The following CMKLR2 variants were observed in gnomAD, a reference collection of about 807,000 sequenced individuals.
CMKLR2 encodes chemerin-like receptor 2.
A neutral mutation model predicts 23.0 loss-of-function variants in CMKLR2; 18 were observed. The observed-to-expected ratio is 0.78, with a 90% CI of 0.54 to 1.16. The LOEUF (loss-of-function observed/expected upper bound fraction) is 1.16. Among genes scored for constraint, CMKLR2 ranks in the 50% most tolerant of loss-of-function variants. The pLI is 0.00. For missense variants in CMKLR2, 401 were observed against 412.7 expected, an observed-to-expected ratio of 0.97 and a Z score of 0.25; for synonymous variants, 158 against 158.9, an observed-to-expected ratio of 0.99 and a Z score of 0.05.
upstream of CMKLR2, chr2:206,213,731 A>C (rs1313582559): frequency 6.6e-6 from 1 of 152,216 alleles, no homozygotes; most frequent in Non-Finnish European, 1.5e-5. Context: ...GCAGAGATGG[A>C]ATGTTCTTCG....
chr2:206,207,336 C>T (rs557427280), intron 1 of CMKLR2, among the ~76,000 whole-genome samples: 4 of 152,018 alleles, frequency 2.6e-5, no homozygotes, highest in South Asian at 4.2e-4. Context: ...GACAGGGTTT[C>T]GCCATGTTGG....
chr2:206,197,042 T>C (rs1488763430), intron 1 of CMKLR2, among the ~76,000 whole-genome samples: 2 of 152,182 alleles, frequency 1.3e-5, no homozygotes, highest in Non-Finnish European at 2.9e-5. Context: ...TCCGAGTAGC[T>C]GGGACTACAG....
In CMKLR2 at chr2:206,196,391, A is replaced by AAAATAAATAAATAAATAAAT. The variant is rs145895468; in HGVS notation, c.-29+16896_-29+16915dup. Reference sequence around the variant, plus strand: ...TGTCTCAAAAAAATAAATAAAAATAAAAATAAATAAATAAATAAATAGTGT... The same window carrying AAAATAAATAAATAAATAAAT: ...TGTCTCAAAAAAATAAATAAAAATAAAAATAAATAAATAAATAAATAAATAAATAAATAAATAAATAGTGT... On this transcript the variant is annotated intron_variant, in intron 1 of 1. Coordinates refer to ENST00000621141, the MANE Select transcript of CMKLR2 (RefSeq NM_001389445.1). Among the ~76,000 whole-genome samples, 1,238 of 151,268 alleles carry AAAATAAATAAATAAATAAAT rather than the reference A, an allele frequency of 8.2e-3. 13 individuals are homozygous for AAAATAAATAAATAAATAAAT. The highest frequency in any genetic ancestry group is 0.028 in the African/African-American group (1,139 of 41,252).
chr2:206,185,068 A>G (rs1688537649), intron 1 of CMKLR2, among the ~76,000 whole-genome samples: 2 of 151,972 alleles, frequency 1.3e-5, no homozygotes, highest in African/African-American at 4.8e-5. Flanking sequence ...ACTCACTGCA[A>G]CCTTCACATC....
chr2:206,200,188 C>T (rs1349943518), intron 1 of CMKLR2, among the ~76,000 whole-genome samples: 1 of 151,934 alleles, frequency 6.6e-6, no homozygotes, highest in Non-Finnish European at 1.5e-5. Flanking sequence ...CTTTGGGAGG[C>T]TGAGGCGGGC....
intron 1 of CMKLR2, among the ~76,000 whole-genome samples, chr2:206,198,058 G>T (rs16838046): frequency 0.043 from 6,552 of 152,266 alleles, 202 homozygotes; most frequent in East Asian, 0.11. Flanking sequence ...ATGATGGAGG[G>T]TTGACGTTAG....
chr2:206,205,191 C>T lies in CMKLR2; in HGVS notation c.-29+8116G>A, dbSNP rs548177078. On this transcript the variant is annotated intron_variant, in intron 1 of 1. Coordinates refer to ENST00000621141, the MANE Select transcript of CMKLR2 (RefSeq NM_001389445.1). ...AGTGATTCTGAGCAGATTCCACTTA[C>T]CATACCTAGAAAACAGGTCTCTATT... Among the ~76,000 whole-genome samples the T allele has an allele frequency of 2.6e-5, 4 of 152,290 alleles. No homozygotes were observed. The East Asian group carries it at 7.7e-4, about 29-fold the overall frequency.
chr2:206,212,286 T>C (rs1275862113), intron 1 of CMKLR2, among the ~76,000 whole-genome samples: 1 of 151,920 alleles, frequency 6.6e-6, no homozygotes, highest in Non-Finnish European at 1.5e-5. Flanking sequence ...AAATAGGCCA[T>C]GAAAAACATA....
At chr2:206,198,768 T>TA (rs1395841132) in intron 1 of CMKLR2, among the ~76,000 whole-genome samples, 2 of 152,216 alleles carry the variant, frequency 1.3e-5, no homozygotes, top group African/African-American at 4.8e-5. Context: ...GGCAAAGTCT[T>TA]ACTGCTTTCT....
At chr2:206,191,555 T>C (rs1688746818) in intron 1 of CMKLR2, among the ~76,000 whole-genome samples, 1 of 152,170 alleles carries the variant, frequency 6.6e-6, no homozygotes, top group Non-Finnish European at 1.5e-5. Flanking sequence ...TGAAGGCATC[T>C]GAGTTGGGGA....
At chr2:206,199,441 C>T (rs1042485998) in intron 1 of CMKLR2, among the ~76,000 whole-genome samples, 1 of 151,762 alleles carries the variant, frequency 6.6e-6, no homozygotes, top group Non-Finnish European at 1.5e-5. Flanking sequence ...AGCATGAGTG[C>T]GAGCACATGC....
At chr2:206,213,671 C>G (rs1441764430), upstream of CMKLR2, 1 of 152,188 alleles carries the variant, frequency 6.6e-6, no homozygotes, top group East Asian at 1.9e-4. Flanking sequence ...GGTCACCCAG[C>G]CCTCCTTTGT....
At chr2:206,216,128 G>C (rs888844913), upstream of CMKLR2, among the ~76,000 whole-genome samples, 1 of 152,094 alleles carries the variant, frequency 6.6e-6, no homozygotes, top group African/African-American at 2.4e-5. Context: ...GTATTTCAAG[G>C]GGTTTCTTTT....
chr2:206,216,927 A>G (rs1395662304), upstream of CMKLR2, among the ~76,000 whole-genome samples: 1 of 152,238 alleles, frequency 6.6e-6, no homozygotes, highest in African/African-American at 2.4e-5. Flanking sequence ...CATTAAGGTT[A>G]GCATTATTCT....
At position 206,197,394 on chromosome 2, in the gene CMKLR2, G is replaced by A. The variant is rs118020327; in HGVS notation, c.-29+15913C>T. Among the ~76,000 whole-genome samples the A allele has an allele frequency of 1.2e-4, 18 of 152,282 alleles. No individual in the cohort carries two copies. The East Asian group carries it at 3.5e-3, about 29-fold the overall frequency. On this transcript the variant is annotated intron_variant, in intron 1 of 1. Transcript: ENST00000621141. The stretch of plus-strand genomic sequence containing the variant: ...TCTTCTGGGTTTTCTAAGGGCAAGG[G>A]TACTTTCAAATGGTGCAAATCCAGG...
At chr2:206,202,288 C>T (rs1689123505) in intron 1 of CMKLR2, among the ~76,000 whole-genome samples, 7 of 152,006 alleles carry the variant, frequency 4.6e-5, no homozygotes. Flanking sequence ...GCGCTGAAAC[C>T]CTAAGGTTCT....
intron 1 of CMKLR2, among the ~76,000 whole-genome samples, chr2:206,181,152 G>A (rs1187953497): frequency 6.6e-6 from 1 of 151,732 alleles, no homozygotes; most frequent in African/African-American, 2.4e-5. Context: ...CTGCCTCCTA[G>A]GTTCAAGTGA....
rs2105796220 is a variant in CMKLR2, at chr2:206,176,656, G to A, written c.592C>T (p.Leu198Phe). 6.2e-7 allele frequency: 1 copy of A among 1,614,098 alleles called. No individual in the cohort carries two copies. The highest frequency in any genetic ancestry group is 8.5e-7 in the Non-Finnish European group (1 of 1,179,972). Residue 198 changes from leucine to phenylalanine, a missense_variant, in exon 2 of 2, where the codon CTC (leucine) becomes TTC (phenylalanine). Transcript: ENST00000621141. ...YNNFQKHDPD[L>F]TLIRHHVLTW... The stretch of plus-strand genomic sequence containing the variant: ...AGAACATGGTGCCTGATCAAAGTGA[G>A]GTCAGGATCATGCTTCTGAAAATTG...
At chr2:206,206,003 T>C (rs1297269537) in intron 1 of CMKLR2, among the ~76,000 whole-genome samples, 4 of 152,070 alleles carry the variant, frequency 2.6e-5, no homozygotes, top group Non-Finnish European at 4.4e-5. Flanking sequence ...CTGGCCTGTT[T>C]GGTGTATTAT....
Sources: allele counts gnomAD v4.1 joint callset (sites outside exome capture counted in the v4.1 genomes callset), GRCh38; gene constraint gnomAD v4.1.1; transcripts MANE v1.5; gene names NCBI Gene and HGNC (gene_info 2026-07-23, HGNC 2026-07-21).